The following CES1 variants were observed in gnomAD, a reference collection of about 807,000 sequenced individuals.
The protein encoded by CES1 is carboxylesterase 1.
CES1 carries 50 observed loss-of-function variants against 53.0 expected under a neutral mutation model. That is an observed-to-expected ratio of 0.94 (90% confidence interval 0.75 to 1.19). CES1 has a LOEUF of 1.19. CES1 is among the 50% of genes most tolerant of loss of function. CES1 has a pLI of 0.00. For missense variants in CES1, 534 were observed against 538.0 expected (o/e 0.99, Z 0.07); for synonymous variants, 202 against 210.1 (o/e 0.96, Z 0.33).
At chr16:55,831,041 C>T (rs2032646996) in intron 1 of CES1, among the ~76,000 whole-genome samples, 1 of 151,918 alleles carries the variant, frequency 6.6e-6, no homozygotes, top group Non-Finnish European at 1.5e-5. Context: ...GAGCGCACTT[C>T]AAAGCTGGAA....
chr16:55,819,361 C>T (rs1354147926), intron 7 of CES1, among the ~76,000 whole-genome samples, 174 bp downstream of exon 7: 2 of 152,100 alleles, frequency 1.3e-5, no homozygotes, highest in Admixed American at 1.3e-4. Context: ...TTTTGACTTT[C>T]TTTTTTTACA....
intron 1 of CES1, among the ~76,000 whole-genome samples, chr16:55,832,636 C>T (rs1310492262): frequency 6.6e-6 from 1 of 152,216 alleles, no homozygotes; most frequent in Non-Finnish European, 1.5e-5. Context: ...CGCACTCTGG[C>T]TCCAGAGTCG....
chr16:55,828,579 G>A (rs1176522610), intron 2 of CES1, among the ~76,000 whole-genome samples, 188 bp downstream of exon 2: 3 of 152,040 alleles, frequency 2.0e-5, no homozygotes, highest in African/African-American at 7.3e-5. Context: ...CTGGCACACA[G>A]CAGGTGCTCA....
intron 10 of CES1, 49 bp from the exon 11 acceptor site, chr16:55,810,713 T>C (rs1484639022): frequency 1.9e-6 from 3 of 1,603,508 alleles, no homozygotes; most frequent in Non-Finnish European, 2.6e-6. Flanking sequence ...GCGATGCAGC[T>C]TCTCCAGCCC....
At chr16:55,829,147 T>A in intron 1 of CES1, among the ~76,000 whole-genome samples, 173 bp from the exon 2 acceptor site, 1 of 152,084 alleles carries the variant, frequency 6.6e-6, no homozygotes. Context: ...CCCTAACCCA[T>A]TGAGCTGGTT....
At chr16:55,830,223 C>CT (rs1373179463) in intron 1 of CES1, among the ~76,000 whole-genome samples, 2 of 152,340 alleles carry the variant, frequency 1.3e-5, no homozygotes, top group East Asian at 3.8e-4. Context: ...CATGTCTCAT[C>CT]TTATTAATAG....
intron 5 of CES1, among the ~76,000 whole-genome samples, chr16:55,821,011 T>C (rs1245682490): frequency 6.6e-6 from 1 of 152,034 alleles, no homozygotes; most frequent in African/African-American, 2.4e-5. Flanking sequence ...TTATGCCTAT[T>C]CCTACTTCCC....
In CES1 at chr16:55,819,465, G is replaced by A. The variant is rs201499692; in HGVS notation, c.906+70C>T. The A allele has an allele frequency of 1.2e-5, 14 of 1,128,980 alleles. No homozygotes were observed. In the African/African-American group the frequency reaches 1.7e-4, roughly 14 times the overall value. 69.9% of individuals were successfully genotyped at this position (1,128,980 alleles called of 1,614,324 possible). ...GTCCCAGGAAACTGTCCCTGGGCAA[G>A]AGGACAGCTGAAATGAAGAAGTCTG... On this transcript the variant is annotated intron_variant, in intron 7 of 13. Transcript: ENST00000360526.
At chr16:55,827,388 G>T (rs540142652) in intron 2 of CES1, among the ~76,000 whole-genome samples, 260 of 151,552 alleles carry the variant, frequency 1.7e-3, no homozygotes, top group African/African-American at 5.9e-3. Flanking sequence ...AATATTGCTG[G>T]TATTGTTATT....
At chr16:55,811,033 C>T in intron 9 of CES1, 23 bp from the exon 10 acceptor site, 2 of 1,535,870 alleles carry the variant, frequency 1.3e-6, no homozygotes, top group South Asian at 1.1e-5. Context: ...AAAAGTTCAG[C>T]ATTTATGAAT....
At chr16:55,829,219 G>T (rs192872958) in intron 1 of CES1, among the ~76,000 whole-genome samples, 40 of 152,362 alleles carry the variant, frequency 2.6e-4, no homozygotes, top group African/African-American at 9.1e-4. Context: ...GCAAGAAGGA[G>T]AGCTACTAGG....
Position 55,826,250 on chromosome 16 carries a change from A to C in CES1, c.306T>G (p.Phe102Leu), listed in dbSNP as rs750433997. The change falls in exon 3 of 14, where the codon TTT becomes TTG. Residue 102 changes from phenylalanine (F) to leucine (L), a missense_variant. Around this residue, in one of 5 missense-constraint regions of CES1, gnomAD observed 164 missense variants for 162.4 expected, o/e 1.01. Transcript: ENST00000360526. ...GAGGAATGTTCTCCTTTCGGTTTGT[A>C]AATAGCTCTGAGAGTAACTGCCCCG... ...PKAGQLLSELFTNRKENIPLK... is the reference protein window; with the variant it reads ...PKAGQLLSELLTNRKENIPLK... The C allele has an allele frequency of 1.1e-5, 17 of 1,613,984 alleles. No individual in the cohort carries two copies. The highest frequency in any genetic ancestry group is 5.5e-5 in the South Asian group (5 of 91,078).
chr16:55,818,088 T>C (rs1210092918), intron 7 of CES1, among the ~76,000 whole-genome samples: 2 of 152,072 alleles, frequency 1.3e-5, no homozygotes, highest in Admixed American at 1.3e-4. Flanking sequence ...CAGAGTCCAG[T>C]GATAGAGGCC....
At chr16:55,829,830 T>C (rs1212179609) in intron 1 of CES1, among the ~76,000 whole-genome samples, 2 of 152,252 alleles carry the variant, frequency 1.3e-5, no homozygotes, top group African/African-American at 4.8e-5. Context: ...TCTGCTCCAT[T>C]CTTGCAGCAC....
intron 1 of CES1, among the ~76,000 whole-genome samples, chr16:55,832,429 T>C (rs1339409491): frequency 1.3e-5 from 2 of 152,194 alleles, no homozygotes; most frequent in Non-Finnish European, 2.9e-5. Context: ...TATCCATCCC[T>C]TTTTCGTGCT....
At chr16:55,831,468 A>T (rs1329313337) in intron 1 of CES1, among the ~76,000 whole-genome samples, 1 of 151,154 alleles carries the variant, frequency 6.6e-6, no homozygotes, top group Non-Finnish European at 1.5e-5. Flanking sequence ...GTTGCTGCTG[A>T]TGTTATATGA....
At chr16:55,828,372 G>T (rs550654241) in intron 2 of CES1, among the ~76,000 whole-genome samples, 1 of 152,282 alleles carries the variant, frequency 6.6e-6, no homozygotes, top group African/African-American at 2.4e-5. Context: ...GAATTCATGG[G>T]ATCCTTCCTT....
At chr16:55,822,444 C>T (rs115530611) in intron 4 of CES1, among the ~76,000 whole-genome samples, 1 of 152,168 alleles carries the variant, frequency 6.6e-6, no homozygotes, top group Admixed American at 6.5e-5. Flanking sequence ...GTCCACAAGG[C>T]CTTCTCCTGA....
chr16:55,826,057 C>T lies in CES1; in HGVS notation c.405+94G>A, dbSNP rs1276744475. On this transcript the variant is annotated intron_variant, in intron 3 of 13. Coordinates refer to ENST00000360526, the MANE Select transcript of CES1 (RefSeq NM_001025195.2). The stretch of plus-strand genomic sequence containing the variant: ...GAAACAATCCTGGCCTGTGCAGCTC[C>T]CTCCCCAAGCTGCCTTCACTCCCTT... The T allele has an allele frequency of 6.0e-6, 9 of 1,503,546 alleles. No individual in the cohort carries two copies. The East Asian group carries it at 2.0e-4, about 34-fold the overall frequency. The allele number at this position is 1,503,546 out of a possible 1,614,324, so 93.1% of individuals were successfully genotyped here.
Sources: gnomAD v4.1 joint callset for allele counts (sites outside exome capture counted in the v4.1 genomes callset) on GRCh38, gnomAD v4.1.1 for gene constraint, gnomAD v4.1.1 regional missense constraint, MANE v1.5 for transcripts, NCBI Gene and HGNC (gene_info 2026-07-23, HGNC 2026-07-21) for gene names.